Variants in RNF213 observed in about 807,000 individuals in gnomAD.
RNF213 encodes ring finger protein 213, also known as E3 ubiquitin-protein ligase RNF213.
In RNF213, 341 loss-of-function variants were observed where a neutral mutation model predicts 514.4. That is an observed-to-expected ratio of 0.66 (90% confidence interval 0.61 to 0.73). RNF213 has a LOEUF of 0.73. RNF213 is among the 30% of genes least tolerant of loss of function. The pLI is 0.00. For synonymous variants in RNF213, 2,655 were observed against 2,658.2 expected, an observed-to-expected ratio of 1.00 and a Z score of 0.04; for missense variants, 5,767 against 6,615.6, an observed-to-expected ratio of 0.87 and a Z score of 4.45.
chr17:80,358,245 G>A (rs758018407), intron 36 of RNF213, 43 bp from the exon 37 acceptor site: 17 of 1,592,430 alleles, frequency 1.1e-5, no homozygotes, highest in Non-Finnish European at 1.4e-5. Flanking sequence ...CGCCACTCTG[G>A]TTCCTCTGAC....
Position 80,391,928 on chromosome 17 carries a change from G to A in RNF213, c.15471-1417G>A, listed in dbSNP as rs1276304561. Among the ~76,000 whole-genome samples the A allele has an allele frequency of 5.3e-5, 8 of 151,374 alleles. 1 individual carries two copies. Among genetic ancestry groups the A allele is most frequent in the Admixed American group, 2.6e-4 (4 of 15,224 alleles). ...TGGGACTACAGGCATGCACCTGCCC[G>A]GCTAATTTTTTTGTACTTTTAGTAG... On this transcript the variant is annotated intron_variant, in intron 67 of 67. Transcript: ENST00000582970.
intron 40 of RNF213, 55 bp from the exon 41 acceptor site, chr17:80,363,554 G>C: frequency 1.3e-6 from 2 of 1,594,118 alleles, no homozygotes; most frequent in Non-Finnish European, 1.7e-6. Context: ...CGGGGCCTCT[G>C]GTGGGCCGGT....
chr17:80,304,340 A>C (rs927073476), intron 11 of RNF213, among the ~76,000 whole-genome samples: 2 of 152,098 alleles, frequency 1.3e-5, no homozygotes, highest in African/African-American at 4.8e-5. Context: ...GACACTCGTT[A>C]ATAATAATTA....
At chr17:80,306,158 G>C (rs1336710263) in intron 11 of RNF213, 94 bp from the exon 12 acceptor site, 5 of 1,209,220 alleles carry the variant, frequency 4.1e-6, no homozygotes, top group Non-Finnish European at 1.2e-6. Flanking sequence ...TTTTGAATTC[G>C]GGACTGTTTC....
At position 80,383,043 on chromosome 17, in the gene RNF213, C is replaced by G. The variant is rs2080086266; in HGVS notation, c.14043C>G (p.Ile4681Met). The G allele has an allele frequency of 6.2e-7, 1 of 1,613,706 alleles. No individual in the cohort carries two copies. ...TGAGGAACAACTGGGAAAAGGAAAT[C>G]GCAGCTGTGATTTCTCCTGAACTGG... ...KEMRNNWEKE[I>M]AAVISPELEH... is the part of the protein sequence containing the mutation. Residue 4681 changes from isoleucine (I) to methionine (M), a missense_variant, in exon 58 of 68, where the codon ATC (isoleucine) becomes ATG (methionine). Transcript: ENST00000582970.
At chr17:80,357,969 CAG>C (rs1309624210) in intron 36 of RNF213, among the ~76,000 whole-genome samples, 3 of 152,216 alleles carry the variant, frequency 2.0e-5, no homozygotes, top group Non-Finnish European at 4.4e-5. Context: ...GTTGGCGTGA[CAG>C]AGTGAGACCC....
At position 80,383,853 on chromosome 17, in the gene RNF213, TG is replaced by T; in HGVS notation, c.14248del (p.Glu4750SerfsTer29). 1 of 1,614,146 alleles carries T rather than the reference TG, an allele frequency of 6.2e-7. No individual in the cohort carries two copies. The highest frequency in any genetic ancestry group is 1.3e-5 in the African/African-American group (1 of 75,012). ...GGAGCTGCAGGAAAAGAATTACAGT[TG>T]AGTACCTCCAGCACATTGTGGAACA... ...IWSCRKRITV[E>X]YLQHIVEQKN... On this transcript the variant is annotated frameshift_variant, in exon 59 of 68. Transcript: ENST00000582970. LOFTEE classifies it high-confidence loss of function.
intron 3 of RNF213, among the ~76,000 whole-genome samples, chr17:80,283,972 A>G (rs2044384971): frequency 6.6e-6 from 1 of 152,084 alleles, no homozygotes; most frequent in African/African-American, 2.4e-5. Flanking sequence ...ACCTGTAATC[A>G]CAGCACTTTG....
rs998260891 is a variant in RNF213, at chr17:80,313,027, A to G, written c.2671A>G (p.Arg891Gly). ...GTGACAACAGGATTCTGCAGGACAGAGAGATGAAACTGGAAATAATTCAGT... is the reference window on the plus strand; with the variant it reads ...GTGACAACAGGATTCTGCAGGACAGGGAGATGAAACTGGAAATAATTCAGT... Reference protein sequence around the residue: ...LLSLVDSAGQRDETGNNSVQT... With the variant: ...LLSLVDSAGQGDETGNNSVQT... The change falls in exon 15 of 68, where the codon AGA becomes GGA. Residue 891 changes from arginine (R) to glycine (G), a missense_variant. Around this residue, in one of 13 missense-constraint regions of RNF213, gnomAD observed 592 missense variants for 673.9 expected, o/e 0.88. Transcript: ENST00000582970. The G allele has an allele frequency of 2.5e-6, 4 of 1,613,826 alleles. No individual in the cohort carries two copies. The African/African-American group carries it at 4.0e-5, about 16-fold the overall frequency.
chr17:80,382,404 A>G (rs2080052356), intron 57 of RNF213: 1 of 158,532 alleles, frequency 6.3e-6, no homozygotes, highest in Non-Finnish European at 1.4e-5. Context: ...AATAACAATA[A>G]TAGCAAGAAG....
intron 16 of RNF213, among the ~76,000 whole-genome samples, chr17:80,318,868 C>T (rs935023280): frequency 4.6e-5 from 7 of 152,194 alleles, no homozygotes; most frequent in South Asian, 2.1e-4. Flanking sequence ...CCACCGCGCC[C>T]GGCCTATATG....
In RNF213 at chr17:80,339,182, C is replaced by T; in HGVS notation, c.4834-19C>T. On this transcript the variant is annotated intron_variant, in intron 25 of 67. Transcript: ENST00000582970. ...CTCGCATGGCTCTGTGAGCCAACCT[C>T]ATGGTTCTGCCTCTCCAGGTCTTCT... The T allele has an allele frequency of 6.8e-7, 1 of 1,459,932 alleles. No individual in the cohort carries two copies. The highest frequency in any genetic ancestry group is 9.0e-7 in the Non-Finnish European group (1 of 1,108,388). 90.4% of individuals were successfully genotyped at this position (1,459,932 alleles called of 1,614,324 possible).
At chr17:80,344,046 TG>T (rs368875063) in intron 28 of RNF213, 31 bp downstream of exon 28, 3 of 1,605,524 alleles carry the variant, frequency 1.9e-6, no homozygotes, top group Non-Finnish European at 2.6e-6. Context: ...TCGCCTGGCG[TG>T]GGGGGCTCTT....
At chr17:80,391,063 AAAAC>A (rs1028607300) in intron 67 of RNF213, among the ~76,000 whole-genome samples, 5 of 152,184 alleles carry the variant, frequency 3.3e-5, no homozygotes, top group African/African-American at 9.7e-5. Context: ...CTTCATCTCA[AAAAC>A]AAACAAAAAA....
Position 80,306,347 on chromosome 17 carries a change from A to G in RNF213, c.2306A>G (p.His769Arg). The G allele has an allele frequency of 6.2e-7, 1 of 1,614,114 alleles. No homozygotes were observed. ...RSWFSLLPLS[H>R]LVMYMENFIE... ...TGGTTTAGTCTGCTACCTCTGAGTC[A>G]CCTGGTTATGTATATGGAAAACTTC... is the stretch of plus-strand genomic sequence containing the variant. Residue 769 changes from histidine (H) to arginine (R), a missense_variant, in exon 12 of 68, where the codon CAC becomes CGC. By Grantham distance (29) the His-to-Arg change is conservative. Coordinates refer to ENST00000582970, the MANE Select transcript of RNF213 (RefSeq NM_001256071.3).
In RNF213 at chr17:80,363,740, G is replaced by A. The variant is rs202142237; in HGVS notation, c.11700G>A (p.Glu3900=). The stretch of plus-strand genomic sequence containing the variant: ...CGCTGGAGCTCATCTGCTCCGATGA[G>A]CACATGCAAGGCAGCGGGAGCCTGG... The part of the protein sequence containing the change: ...SMPLELICSD[E]HMQGSGSLAQ... The change falls in exon 41 of 68, where the codon GAG becomes GAA. Residue 3900 remains glutamate (E), a synonymous_variant. Transcript: ENST00000582970. 3.2e-4 allele frequency: 509 copies of A among 1,613,906 alleles called. 9 individuals are homozygous for A. In the South Asian group the frequency reaches 5.3e-3, roughly 17 times the overall value.
In RNF213 at chr17:80,377,568, A is replaced by G. The variant is rs9898470; in HGVS notation, c.13511-194A>G. 0.062 allele frequency: 42,724 copies of G among 684,842 alleles called. 2,394 individuals are homozygous for G. The highest frequency in any genetic ancestry group is 0.22 in the African/African-American group (12,156 of 56,326). The allele number at this position is 684,842 out of a possible 1,614,324, so 42.4% of individuals were successfully genotyped here. On this transcript the variant is annotated intron_variant, in intron 53 of 67. Transcript: ENST00000582970. The surrounding 1 kb of genome is among the most constrained non-coding windows in gnomAD (Gnocchi z 4.1). ...AAAATTAATAAAATTAGACTCAGAC[A>G]TTTTTCACTGACAACATACATTTAT... is the stretch of plus-strand genomic sequence containing the variant.
At chr17:80,382,727 A>AT in intron 57 of RNF213, 1 of 406,950 alleles carries the variant, frequency 2.5e-6, no homozygotes, top group Non-Finnish European at 4.6e-6. Context: ...TCTTTCAGTA[A>AT]TTTTTTTCAA....
chr17:80,331,990 C>T lies in RNF213; in HGVS notation c.3518-16C>T. On this transcript the variant is annotated splice_polypyrimidine_tract_variant and intron_variant, in intron 20 of 67. Transcript: ENST00000582970. The stretch of plus-strand genomic sequence containing the variant: ...TTAGAGCTTTGACTTCTGACACTTT[C>T]TTTTCGCTTCTAAAGTGGACTTTGG... 1 of 1,525,536 alleles carries T rather than the reference C, an allele frequency of 6.6e-7. No homozygotes were observed. The highest frequency in any genetic ancestry group is 2.5e-5 in the East Asian group (1 of 40,650). 94.5% of individuals were successfully genotyped at this position (1,525,536 alleles called of 1,614,324 possible).
Sources: gnomAD v4.1 joint callset for allele counts (sites outside exome capture counted in the v4.1 genomes callset) on GRCh38, gnomAD v4.1.1 for gene constraint, gnomAD v4.1.1 regional missense constraint, Gnocchi (gnomAD v3.1) non-coding constraint, MANE v1.5 for transcripts, NCBI Gene and HGNC (gene_info 2026-07-23, HGNC 2026-07-21) for gene names.